Variants in CHST15 observed in about 807,000 individuals in gnomAD.
CHST15 encodes the protein B cell RAG associated protein (GALNAC4S-6ST).
CHST15 carries 30 observed loss-of-function variants against 53.6 expected under a neutral mutation model. That is an observed-to-expected ratio of 0.56 (90% confidence interval 0.42 to 0.76). CHST15 has a LOEUF of 0.76. Ranked by LOEUF, CHST15 falls within the 30% of genes least tolerant of loss-of-function variation. The pLI is 0.00. For synonymous variants in CHST15, 296 were observed against 289.8 expected (o/e 1.02, Z -0.22); for missense variants, 627 against 740.5 (o/e 0.85, Z 1.78).
At chr10:124,034,625 C>A (rs534991250) in intron 5 of CHST15, among the ~76,000 whole-genome samples, 5 of 139,580 alleles carry the variant, frequency 3.6e-5, no homozygotes, top group African/African-American at 1.3e-4. Flanking sequence ...CCTGGCTTCA[C>A]CCCTGATAGG....
rs939844072 is a variant in CHST15, at chr10:124,051,540, G to A, written c.-512-4816C>T. Among the ~76,000 whole-genome samples, 50 of 152,226 alleles carry A rather than the reference G, an allele frequency of 3.3e-4. 1 individual carries two copies. Among genetic ancestry groups the A allele is most frequent in the African/African-American group, 1.1e-3 (46 of 41,538 alleles). On this transcript the variant is annotated intron_variant, in intron 1 of 7. Coordinates refer to ENST00000435907, the MANE Select transcript of CHST15 (RefSeq NM_001270764.2). ...GGAATGTCCACATTTGGTGCCGGTC[G>A]ACTCAGACAAGACGGGGCCCTTGGC...
chr10:124,010,596 A>T (rs1946383535), intron 7 of CHST15: 1 of 985,440 alleles, frequency 1.0e-6, no homozygotes. Context: ...CTGGCATTTA[A>T]TGATGATACA....
At chr10:124,062,920 T>C (rs1245686883) in intron 1 of CHST15, among the ~76,000 whole-genome samples, 1 of 151,812 alleles carries the variant, frequency 6.6e-6, no homozygotes, top group Non-Finnish European at 1.5e-5. Flanking sequence ...TTTCAAGAGT[T>C]GGGGGGCTTG....
chr10:124,035,737 C>A (rs1049499709), intron 5 of CHST15, among the ~76,000 whole-genome samples: 2 of 152,242 alleles, frequency 1.3e-5, no homozygotes, highest in African/African-American at 4.8e-5. Flanking sequence ...CTTAACCCAC[C>A]TTCCTGCCTT....
chr10:124,031,554 C>T (rs1043677915), intron 5 of CHST15, among the ~76,000 whole-genome samples: 5 of 152,234 alleles, frequency 3.3e-5, no homozygotes, highest in East Asian at 1.9e-4. Flanking sequence ...AATGAAAACA[C>T]GGGATTATAA....
In CHST15 at chr10:124,049,802, G is replaced by A. The variant is rs1163723782; in HGVS notation, c.-512-3078C>T. Among the ~76,000 whole-genome samples the A allele has an allele frequency of 2.0e-5, 3 of 152,230 alleles. 1 individual carries two copies. Among genetic ancestry groups the A allele is most frequent in the South Asian group, 4.1e-4 (2 of 4,826 alleles). Reference sequence around the variant, plus strand: ...GTGAATTACTGAACCTGAGGAGGTTGTGGGACACTCTTGCCTTTTTAGCCA... The same window carrying A: ...GTGAATTACTGAACCTGAGGAGGTTATGGGACACTCTTGCCTTTTTAGCCA... On this transcript the variant is annotated intron_variant, in intron 1 of 7. Coordinates refer to ENST00000435907, the MANE Select transcript of CHST15 (RefSeq NM_001270764.2).
At chr10:124,018,023 C>T (rs1946645539) in intron 6 of CHST15, among the ~76,000 whole-genome samples, 1 of 152,266 alleles carries the variant, frequency 6.6e-6, no homozygotes, top group Admixed American at 6.5e-5. Context: ...CCTCCTCATC[C>T]CTCCCTCAGT....
At chr10:124,089,361 G>A (rs1470027980) in intron 1 of CHST15, among the ~76,000 whole-genome samples, 1 of 152,200 alleles carries the variant, frequency 6.6e-6, no homozygotes, top group African/African-American at 2.4e-5. Context: ...GCTCCAAATG[G>A]CATCTCTGCA....
intron 1 of CHST15, among the ~76,000 whole-genome samples, chr10:124,088,812 G>A (rs1011332437): frequency 5.3e-5 from 8 of 152,210 alleles, no homozygotes; most frequent in African/African-American, 1.9e-4. Flanking sequence ...AAAAATCTAT[G>A]TTGGCCCAAA....
At chr10:124,049,002 C>T (rs1442048734) in intron 1 of CHST15, among the ~76,000 whole-genome samples, 1 of 152,160 alleles carries the variant, frequency 6.6e-6, no homozygotes, top group Non-Finnish European at 1.5e-5. Flanking sequence ...CCAACCAGCC[C>T]GGCCTCTGCG....
intron 1 of CHST15, among the ~76,000 whole-genome samples, chr10:124,091,562 G>T (rs538820887): frequency 6.6e-6 from 1 of 152,330 alleles, no homozygotes; most frequent in South Asian, 2.1e-4. Flanking sequence ...GGGGCTGGGG[G>T]CACTGCTAGG....
chr10:124,044,733 C>A lies in CHST15; in HGVS notation c.733G>T (p.Gly245Trp). Residue 245 changes from glycine (G) to tryptophan (W), a missense_variant, in exon 3 of 8, where the codon GGG (glycine) becomes TGG (tryptophan). Gly to Trp is a radical substitution (Grantham distance 184). This residue lies in a region of CHST15 where 161 missense variants were observed against 117.2 expected (regional missense o/e 1.37). Coordinates refer to ENST00000435907, the MANE Select transcript of CHST15 (RefSeq NM_001270764.2). ...AGGCAGCGCAGGCGGAAGTGCTTCC[C>A]GTGCGCGTGCGCCAGGTGGCCCCAG... is the stretch of plus-strand genomic sequence containing the variant. ...AFWGHLAHAH[G>W]KHFRLRCLPH... The A allele has an allele frequency of 6.2e-7, 1 of 1,613,386 alleles. No individual in the cohort carries two copies. Among genetic ancestry groups the A allele is most frequent in the Non-Finnish European group, 8.5e-7 (1 of 1,179,752 alleles).
At position 124,059,623 on chromosome 10, in the gene CHST15, C is replaced by T. The variant is rs1268624279; in HGVS notation, c.-512-12899G>A. 5.3e-5 allele frequency among the ~76,000 whole-genome samples: 8 copies of T among 152,106 alleles called. No individual in the cohort carries two copies. The East Asian group carries it at 9.7e-4, about 18-fold the overall frequency. On this transcript the variant is annotated intron_variant, in intron 1 of 7. Transcript: ENST00000435907. ...CAGGACGGGCAGAGGAGAAAGGTCT[C>T]GCATGGACACATAGCTCACACGTTC...
At chr10:124,040,198 T>C (rs1488439200) in intron 4 of CHST15, among the ~76,000 whole-genome samples, 1 of 152,204 alleles carries the variant, frequency 6.6e-6, no homozygotes, top group Non-Finnish European at 1.5e-5. Flanking sequence ...GAGGCGTTTG[T>C]CCATCCACCT....
Position 124,009,389 on chromosome 10 carries a change from A to G in CHST15, c.*760T>C, listed in dbSNP as rs1590166174. On this transcript the variant is annotated 3_prime_UTR_variant, in exon 8 of 8. Coordinates refer to ENST00000435907, the MANE Select transcript of CHST15 (RefSeq NM_001270764.2). The stretch of plus-strand genomic sequence containing the variant: ...TTTGTTTTAAACGCATTCATTTTCT[A>G]TGTTAAACATAAGTCCACAAGGACA... 17 of 1,010,728 alleles carry G rather than the reference A, an allele frequency of 1.7e-5. No individual in the cohort carries two copies. The South Asian group carries it at 5.5e-4, about 32-fold the overall frequency. The allele number at this position is 1,010,728 out of a possible 1,614,324, so 62.6% of individuals were successfully genotyped here. A position where few individuals can be genotyped will look rare whatever the true frequency, so the allele number is the denominator to read the frequency against.
chr10:124,088,350 C>T (rs1018033539), intron 1 of CHST15, among the ~76,000 whole-genome samples: 1 of 152,250 alleles, frequency 6.6e-6, no homozygotes, highest in Non-Finnish European at 1.5e-5. Context: ...GTGCTCTGTG[C>T]TGAGCGCTGG....
intron 1 of CHST15, among the ~76,000 whole-genome samples, chr10:124,089,707 C>G (rs1225546189): frequency 1.3e-5 from 2 of 152,154 alleles, no homozygotes; most frequent in Non-Finnish European, 2.9e-5. Flanking sequence ...CGAGTCCACC[C>G]TCCACTCCCT....
chr10:124,052,261 G>C (rs1727660221), intron 1 of CHST15, among the ~76,000 whole-genome samples: 1 of 152,212 alleles, frequency 6.6e-6, no homozygotes, highest in Admixed American at 6.5e-5. Context: ...TAAGATAGAA[G>C]GTTGTTGCTG....
chr10:124,023,403 T>C lies in CHST15; in HGVS notation c.1191-1991A>G, dbSNP rs544699775. On this transcript the variant is annotated intron_variant, in intron 5 of 7. Coordinates refer to ENST00000435907, the MANE Select transcript of CHST15 (RefSeq NM_001270764.2). ...TGGAGACTGAGGTGGGAGAATGACC[T>C]GAGCCCAGGAAGTTGAGGCTGCAGT... 4.6e-4 allele frequency among the ~76,000 whole-genome samples: 70 copies of C among 151,422 alleles called. No homozygotes were observed. The South Asian group carries it at 6.3e-3, about 14-fold the overall frequency.
Sources: allele counts gnomAD v4.1 joint callset (sites outside exome capture counted in the v4.1 genomes callset), GRCh38; gene constraint gnomAD v4.1.1; regional missense constraint gnomAD v4.1.1; transcripts MANE v1.5; gene names NCBI Gene and HGNC (gene_info 2026-07-23, HGNC 2026-07-21).